Variants in DNAH6 observed in about 807,000 individuals in gnomAD.
DNAH6 encodes axonemal beta dynein heavy chain 6.
In DNAH6, 340 loss-of-function variants were observed where a neutral mutation model predicts 491.4. The ratio of observed to expected loss-of-function variants is 0.69; its 90% CI spans 0.63 to 0.76. The LOEUF (loss-of-function observed/expected upper bound fraction) is 0.76. Ranked by LOEUF, DNAH6 falls within the 30% of genes least tolerant of loss-of-function variation. DNAH6 has a pLI of 0.00. For synonymous variants in DNAH6, 1,603 were observed against 1,686.1 expected, an observed-to-expected ratio of 0.95 and a Z score of 1.21; for missense variants, 4,443 against 4,972.2, an observed-to-expected ratio of 0.89 and a Z score of 3.20.
chr2:84,642,349 G>C (rs1689492970), intron 33 of DNAH6, among the ~76,000 whole-genome samples: 1 of 152,166 alleles, frequency 6.6e-6, no homozygotes, highest in Admixed American at 6.5e-5. Context: ...AAAAAAGTCA[G>C]ACTTGGGGTT....
intron 29 of DNAH6, among the ~76,000 whole-genome samples, chr2:84,626,179 A>C (rs186223546): frequency 5.9e-5 from 9 of 151,960 alleles, no homozygotes; most frequent in Admixed American, 3.9e-4. Flanking sequence ...GTTGCTATTT[A>C]AACTGTAAAA....
At chr2:84,804,724 T>A (rs906706417) in intron 70 of DNAH6, among the ~76,000 whole-genome samples, 8 of 152,332 alleles carry the variant, frequency 5.3e-5, no homozygotes, top group South Asian at 2.1e-4. Context: ...AACCATTCTT[T>A]ATTGTAGTAA....
intron 72 of DNAH6, among the ~76,000 whole-genome samples, chr2:84,812,004 C>T (rs1573883409): frequency 1.3e-5 from 2 of 152,180 alleles, no homozygotes; most frequent in Non-Finnish European, 2.9e-5. Flanking sequence ...TCCCAAATCA[C>T]AGTCAGGCCT....
At position 84,808,432 on chromosome 2, in the gene DNAH6, G is replaced by A; in HGVS notation, c.11629G>A (p.Gly3877Ser). 6.5e-7 allele frequency: 1 copy of A among 1,537,970 alleles called. No individual in the cohort carries two copies. Among genetic ancestry groups the A allele is most frequent in the Non-Finnish European group, 8.8e-7 (1 of 1,142,342 alleles). The change falls in exon 72 of 77, where the codon GGT becomes AGT. Residue 3877 changes from glycine (G) to serine (S), a missense_variant. Coordinates refer to ENST00000389394, the MANE Select transcript of DNAH6 (RefSeq NM_001370.2). The stretch of plus-strand genomic sequence containing the variant: ...TGTTTCAGAAAAACTGGAAATGGAG[G>A]GTGCTTCTGAGAGCCTTTTTGTCAA... Reference protein sequence around the residue: ...TRVPEKLEMEGASESLFVKDL... With the variant: ...TRVPEKLEMESASESLFVKDL...
rs753675492 is a variant in DNAH6, at chr2:84,653,496, C to G, written c.5256C>G (p.Val1752=). 6.4e-7 allele frequency: 1 copy of G among 1,551,048 alleles called. No homozygotes were observed. The highest frequency in any genetic ancestry group is 2.0e-5 in the Admixed American group (1 of 50,938). ...TMLVRHGVML[V]GPTGGGKTTV... ...TAGTAAGGCATGGTGTTATGTTAGT[C>G]GGGCCAACAGGAGGCGGCAAGACCA... is the stretch of plus-strand genomic sequence containing the variant. The change falls in exon 34 of 77, where the codon GTC becomes GTG. Residue 1752 remains valine (V), a synonymous_variant. Transcript: ENST00000389394.
chr2:84,537,908 G>A (rs545698373), intron 4 of DNAH6, among the ~76,000 whole-genome samples: 19 of 152,136 alleles, frequency 1.2e-4, no homozygotes, highest in Admixed American at 7.9e-4. Flanking sequence ...AAGTCTTTGT[G>A]ATGTTAATGG....
chr2:84,688,556 T>C lies in DNAH6; in HGVS notation c.7255T>C (p.Leu2419=), dbSNP rs761466750. The change falls in exon 45 of 77, where the codon TTG becomes CTG. Residue 2419 remains leucine, a synonymous_variant. Coordinates refer to ENST00000389394, the MANE Select transcript of DNAH6 (RefSeq NM_001370.2). ...YNLTNPKEVK[L]VFFQDAIEHV... Reference sequence around the variant, plus strand: ...TCTCACAAATCCCAAAGAAGTAAAGTTGGTGTTCTTCCAGGATGCTATAGA... The same window carrying C: ...TCTCACAAATCCCAAAGAAGTAAAGCTGGTGTTCTTCCAGGATGCTATAGA... 1.9e-6 allele frequency: 3 copies of C among 1,544,380 alleles called. No homozygotes were observed. The highest frequency in any genetic ancestry group is 1.2e-5 in the South Asian group (1 of 81,978).
intron 64 of DNAH6, chr2:84,777,956 G>A: frequency 1.0e-6 from 1 of 971,606 alleles, no homozygotes; most frequent in Non-Finnish European, 1.7e-6. Flanking sequence ...TTGCTCACAT[G>A]CCCAAGCAGT....
At chr2:84,774,995 A>AT (rs1190647924) in intron 64 of DNAH6, among the ~76,000 whole-genome samples, 1 of 151,836 alleles carries the variant, frequency 6.6e-6, no homozygotes, top group Non-Finnish European at 1.5e-5. Context: ...GATGTCTTTT[A>AT]TTTTTTTCTC....
At chr2:84,798,102 G>C (rs1678516252) in intron 70 of DNAH6, among the ~76,000 whole-genome samples, 1 of 152,168 alleles carries the variant, frequency 6.6e-6, no homozygotes, top group African/African-American at 2.4e-5. Context: ...ATTAAAACAT[G>C]GTTTATTAAA....
At chr2:84,496,994 G>A in the DNAH6 span, among the ~76,000 whole-genome samples, 3 of 131,270 alleles carry the variant, frequency 2.3e-5, no homozygotes, top group Non-Finnish European at 4.8e-5. Context: ...TTTTTTTGAC[G>A]GAATCTCGCT....
At chr2:84,723,343 T>C (rs1189171530) in intron 60 of DNAH6, among the ~76,000 whole-genome samples, 1 of 151,972 alleles carries the variant, frequency 6.6e-6, no homozygotes, top group Admixed American at 6.5e-5. Flanking sequence ...AAAATTTGAA[T>C]TTTTTTTAAA....
chr2:84,568,925 G>A (rs1305852906), intron 11 of DNAH6, among the ~76,000 whole-genome samples: 2 of 152,178 alleles, frequency 1.3e-5, no homozygotes, highest in Non-Finnish European at 1.5e-5. Context: ...GTAAACAAAC[G>A]CTCTCACATT....
chr2:84,616,787 G>A, intron 22 of DNAH6, 99 bp from the exon 23 acceptor site: 1 of 531,518 alleles, frequency 1.9e-6, no homozygotes, highest in South Asian at 4.2e-5. Context: ...TTTCTAGGGA[G>A]AAGATTCATA....
At chr2:84,702,131 C>G (rs916091911) in intron 49 of DNAH6, among the ~76,000 whole-genome samples, 2 of 152,158 alleles carry the variant, frequency 1.3e-5, no homozygotes, top group Non-Finnish European at 2.9e-5. Context: ...GCCAGTGGTT[C>G]CGACTAAGAG....
chr2:84,519,801 G>A (rs1481493376), intron 2 of DNAH6, among the ~76,000 whole-genome samples: 3 of 151,230 alleles, frequency 2.0e-5, no homozygotes, highest in African/African-American at 4.9e-5. Context: ...ATGACATCTA[G>A]TATATGTCTT....
At chr2:84,641,661 G>C (rs1284691833) in intron 32 of DNAH6, among the ~76,000 whole-genome samples, 1 of 152,186 alleles carries the variant, frequency 6.6e-6, no homozygotes, top group African/African-American at 2.4e-5. Flanking sequence ...ACAGCGATAG[G>C]AATCATCATG....
At chr2:84,669,637 G>T in intron 38 of DNAH6, 127 bp downstream of exon 38, 2 of 809,400 alleles carry the variant, frequency 2.5e-6, no homozygotes, top group Non-Finnish European at 3.9e-6. Flanking sequence ...ACTTTTGCAG[G>T]AAGAATATTA....
At chr2:84,582,482 C>G (rs1683124651) in intron 14 of DNAH6, among the ~76,000 whole-genome samples, 2 of 152,214 alleles carry the variant, frequency 1.3e-5, no homozygotes, top group African/African-American at 4.8e-5. Context: ...GACGGAGTCT[C>G]GCTCTGTCGC....
Sources: gnomAD v4.1 joint callset for allele counts (sites outside exome capture counted in the v4.1 genomes callset) on GRCh38, gnomAD v4.1.1 for gene constraint, MANE v1.5 for transcripts, NCBI Gene and HGNC (gene_info 2026-07-23, HGNC 2026-07-21) for gene names.